The following KCTD16 variants were observed in gnomAD, a reference collection of about 807,000 sequenced individuals.
KCTD16 encodes potassium channel tetramerization domain containing 16.
Under a neutral mutation model 33.2 loss-of-function variants are expected in KCTD16, and 13 were observed. The observed-to-expected ratio is 0.39, with a 90% CI of 0.25 to 0.62. The LOEUF (loss-of-function observed/expected upper bound fraction) is 0.62, where lower values mean the gene tolerates loss of function less well. Ranked by LOEUF, KCTD16 falls within the 20% of genes least tolerant of loss-of-function variation. The probability of loss-of-function intolerance (pLI) is 0.50; values close to 1 mark genes in which losing one functional copy is unlikely to be tolerated. For synonymous variants in KCTD16, 197 were observed against 195.3 expected, an observed-to-expected ratio of 1.01 and a Z score of -0.07; for missense variants, 441 against 525.1, an observed-to-expected ratio of 0.84 and a Z score of 1.57.
intron 3 of KCTD16, among the ~76,000 whole-genome samples, chr5:144,347,012 AT>A (rs976655403): frequency 3.3e-5 from 5 of 151,740 alleles, no homozygotes; most frequent in Non-Finnish European, 7.4e-5. Flanking sequence ...GTCTTTAATC[AT>A]TTTGACTTTT....
intron 3 of KCTD16, among the ~76,000 whole-genome samples, chr5:144,443,322 A>C (rs1246407977): frequency 1.3e-5 from 2 of 152,146 alleles, no homozygotes; most frequent in Non-Finnish European, 2.9e-5. Context: ...TTTTTCTTGA[A>C]TAAATGTTTC....
At chr5:144,357,949 G>A (rs1013015528) in intron 3 of KCTD16, among the ~76,000 whole-genome samples, 2 of 151,764 alleles carry the variant, frequency 1.3e-5, no homozygotes, top group African/African-American at 2.4e-5. Flanking sequence ...TTAGAGATAG[G>A]GTCTTGCTCT....
intron 3 of KCTD16, among the ~76,000 whole-genome samples, chr5:144,276,796 G>A (rs760988974): frequency 3.7e-4 from 56 of 151,982 alleles, no homozygotes; most frequent in Non-Finnish European, 7.5e-4. Flanking sequence ...CCAGCTACTC[G>A]GGAGGCTGAG....
intron 3 of KCTD16, among the ~76,000 whole-genome samples, chr5:144,212,435 A>G (rs908118302): frequency 2.0e-5 from 3 of 152,198 alleles, no homozygotes; most frequent in Non-Finnish European, 4.4e-5. Flanking sequence ...GGTGAAAAGG[A>G]GAGGTCTCTG....
intron 3 of KCTD16, among the ~76,000 whole-genome samples, chr5:144,381,286 C>A (rs1315558845): frequency 2.0e-5 from 3 of 152,014 alleles, no homozygotes; most frequent in African/African-American, 4.8e-5. Context: ...ATTAAAAAGT[C>A]AAAAAATAAC....
Position 144,407,124 on chromosome 5 carries a change from C to T in KCTD16, c.833-66536C>T, listed in dbSNP as rs184072535. 1.5e-3 allele frequency among the ~76,000 whole-genome samples: 220 copies of T among 150,364 alleles called. 2 individuals are homozygous for T. The highest frequency in any genetic ancestry group is 4.9e-3 in the African/African-American group (202 of 40,862). ...ATGCCTTTGATAGGAGGGATGTGGGCGAGGGGAGTAGGAAAAATTATGTGT... is the reference window on the plus strand; with the variant it reads ...ATGCCTTTGATAGGAGGGATGTGGGTGAGGGGAGTAGGAAAAATTATGTGT... On this transcript the variant is annotated intron_variant, in intron 3 of 3. Coordinates refer to ENST00000512467, the MANE Select transcript of KCTD16 (RefSeq NM_020768.4).
At chr5:144,362,310 C>A (rs1751732049) in intron 3 of KCTD16, among the ~76,000 whole-genome samples, 1 of 152,100 alleles carries the variant, frequency 6.6e-6, no homozygotes, top group African/African-American at 2.4e-5. Flanking sequence ...ATAGGTGATG[C>A]AGATATGGAG....
intron 3 of KCTD16, among the ~76,000 whole-genome samples, chr5:144,446,693 C>T (rs944004818): frequency 8.5e-5 from 13 of 152,112 alleles, no homozygotes; most frequent in African/African-American, 3.1e-4. Flanking sequence ...CTACAAGGAA[C>T]TTAAAGACAT....
chr5:144,483,300 C>T lies in KCTD16; in HGVS notation c.*9186C>T, dbSNP rs1754742112. 1 of 151,858 alleles carries T rather than the reference C, an allele frequency of 6.6e-6. No homozygotes were observed. Among genetic ancestry groups the T allele is most frequent in the South Asian group, 2.1e-4 (1 of 4,808 alleles). 9.4% of individuals were successfully genotyped at this position (151,858 alleles called of 1,614,324 possible). ...TTACCTATTGGTTAATTTATTATATCCTGGTTAATTTCACTTTATCACTGA... is the reference window on the plus strand; with the variant it reads ...TTACCTATTGGTTAATTTATTATATTCTGGTTAATTTCACTTTATCACTGA... On this transcript the variant is annotated 3_prime_UTR_variant, in exon 4 of 4. Transcript: ENST00000512467.
At chr5:144,316,632 C>T (rs1263404799) in intron 3 of KCTD16, among the ~76,000 whole-genome samples, 2 of 151,400 alleles carry the variant, frequency 1.3e-5, no homozygotes, top group Non-Finnish European at 2.9e-5. Context: ...CCGGCCTCAG[C>T]CTCCTGAGTA....
At chr5:144,220,951 AAG>A (rs1554081445) in intron 3 of KCTD16, among the ~76,000 whole-genome samples, 1 of 151,422 alleles carries the variant, frequency 6.6e-6, no homozygotes. Flanking sequence ...AAAAAAAAAA[AAG>A]AAGAAGAAAT....
chr5:144,428,307 G>A (rs1753380447), intron 3 of KCTD16, among the ~76,000 whole-genome samples: 1 of 152,130 alleles, frequency 6.6e-6, no homozygotes. Context: ...CCAATATCCT[G>A]TTTGTCTCTC....
intron 3 of KCTD16, among the ~76,000 whole-genome samples, chr5:144,449,979 G>A (rs1753904874): frequency 6.6e-6 from 1 of 152,104 alleles, no homozygotes; most frequent in East Asian, 1.9e-4. Context: ...CTTCTGCATG[G>A]CAAAGGAAAC....
chr5:144,412,559 G>T (rs1005670730), intron 3 of KCTD16, among the ~76,000 whole-genome samples: 7 of 152,124 alleles, frequency 4.6e-5, no homozygotes, highest in African/African-American at 1.7e-4. Context: ...TTGACTAGTG[G>T]ATTCAAATAT....
chr5:144,427,995 T>C (rs1753372829), intron 3 of KCTD16, among the ~76,000 whole-genome samples: 1 of 152,136 alleles, frequency 6.6e-6, no homozygotes, highest in African/African-American at 2.4e-5. Context: ...ACAGTATCTG[T>C]CACAGAGTAA....
chr5:144,450,534 A>T (rs1457422866), intron 3 of KCTD16, among the ~76,000 whole-genome samples: 1 of 152,048 alleles, frequency 6.6e-6, no homozygotes, highest in Non-Finnish European at 1.5e-5. Flanking sequence ...TATTCAAGAT[A>T]TGGAAAAAAC....
intron 3 of KCTD16, among the ~76,000 whole-genome samples, chr5:144,402,202 A>G (rs949714648): frequency 2.0e-5 from 3 of 152,166 alleles, no homozygotes; most frequent in Non-Finnish European, 4.4e-5. Flanking sequence ...CCAACTGGAT[A>G]CTGGCACCAT....
intron 2 of KCTD16, among the ~76,000 whole-genome samples, chr5:144,182,981 C>A (rs1752655971): frequency 6.6e-6 from 1 of 151,470 alleles, no homozygotes; most frequent in South Asian, 2.1e-4. Flanking sequence ...TACTTGTAAT[C>A]ATTTCTCTAT....
intron 3 of KCTD16, among the ~76,000 whole-genome samples, chr5:144,301,131 C>G (rs1195278047): frequency 1.3e-5 from 2 of 151,404 alleles, no homozygotes; most frequent in African/African-American, 4.9e-5. Flanking sequence ...GTCCCAGCTA[C>G]TCGGGAAGCT....
Sources: gnomAD v4.1 joint callset for allele counts (sites outside exome capture counted in the v4.1 genomes callset) on GRCh38, gnomAD v4.1.1 for gene constraint, MANE v1.5 for transcripts, NCBI Gene and HGNC (gene_info 2026-07-23, HGNC 2026-07-21) for gene names.